MYZAP: variants seen among roughly 807,000 people sequenced by gnomAD.
The protein encoded by MYZAP is GRINL1A complex locus upstream.
A neutral mutation model predicts 69.4 loss-of-function variants in MYZAP; 66 were observed. The ratio of observed to expected loss-of-function variants is 0.95; its 90% CI spans 0.78 to 1.17. The LOEUF (loss-of-function observed/expected upper bound fraction) is 1.17. Ranked by LOEUF, MYZAP falls within the 50% of genes most tolerant of loss-of-function variation. The pLI is 0.00. For synonymous variants in MYZAP, 256 were observed against 205.9 expected (o/e 1.24, Z -2.09); for missense variants, 611 against 556.2 (o/e 1.10, Z -0.99).
chr15:57,614,702 TC>T (rs1462154288), intron 2 of MYZAP, among the ~76,000 whole-genome samples: 1 of 152,150 alleles, frequency 6.6e-6, no homozygotes, highest in Non-Finnish European at 1.5e-5. Flanking sequence ...GCTCTTGGGT[TC>T]CTACGGCTGG....
At chr15:57,648,290 G>A (rs766352403) in intron 10 of MYZAP, 13 of 985,180 alleles carry the variant, frequency 1.3e-5, no homozygotes, top group African/African-American at 1.7e-5. Flanking sequence ...TCTTTTCAAG[G>A]GAAAGGATAT....
intron 11 of MYZAP, among the ~76,000 whole-genome samples, chr15:57,667,225 C>T (rs1374360489): frequency 1.3e-5 from 2 of 152,178 alleles, no homozygotes; most frequent in Non-Finnish European, 2.9e-5. Flanking sequence ...GCACTCGGCT[C>T]CCCACATGCA....
chr15:57,679,985 G>T (rs760172902), intron 12 of MYZAP, among the ~76,000 whole-genome samples: 1 of 152,108 alleles, frequency 6.6e-6, no homozygotes, highest in African/African-American at 2.4e-5. Flanking sequence ...TCCTGAGTCC[G>T]CCTCCTGCTT....
At chr15:57,621,433 C>T (rs925935202) in intron 3 of MYZAP, among the ~76,000 whole-genome samples, 175 bp from the exon 4 acceptor site, 3 of 151,996 alleles carry the variant, frequency 2.0e-5, no homozygotes, top group Non-Finnish European at 4.4e-5. Context: ...AGGGTGGTCT[C>T]GATCTCCTGA....
Position 57,632,427 on chromosome 15 carries a change from G to T in MYZAP, c.679-7G>T, listed in dbSNP as rs890269. On this transcript the variant is annotated splice_polypyrimidine_tract_variant and splice_region_variant and intron_variant, in intron 6 of 12. Transcript: ENST00000267853. Reference sequence around the variant, plus strand: ...AAGCTGTCGTTCTGAAATGAGTCTCGTTGTAGGTGGAATCGTCCCAAGAAG... The same window carrying T: ...AAGCTGTCGTTCTGAAATGAGTCTCTTTGTAGGTGGAATCGTCCCAAGAAG... 3 of 1,614,008 alleles carry T rather than the reference G, an allele frequency of 1.9e-6. No individual in the cohort carries two copies. The highest frequency in any genetic ancestry group is 1.3e-5 in the African/African-American group (1 of 75,004).
intron 10 of MYZAP, among the ~76,000 whole-genome samples, chr15:57,651,146 A>G (rs1348587381): frequency 1.3e-5 from 2 of 152,160 alleles, no homozygotes; most frequent in Non-Finnish European, 2.9e-5. Context: ...AGTGCTAGAG[A>G]GTGTTTACTT....
At chr15:57,592,604 C>T (rs571209368) in intron 1 of MYZAP, among the ~76,000 whole-genome samples, 68 of 152,286 alleles carry the variant, frequency 4.5e-4, no homozygotes, top group African/African-American at 1.5e-3. Context: ...GCCGGCCGCC[C>T]AGGAGCCCGA....
intron 12 of MYZAP, among the ~76,000 whole-genome samples, chr15:57,679,340 T>TTG (rs34683334): frequency 2.4e-4 from 30 of 125,604 alleles, no homozygotes; most frequent in African/African-American, 8.4e-4. Flanking sequence ...TTTCACCTCT[T>TTG]TGTGTGTGTG....
chr15:57,661,289 A>G (rs1326106358), intron 10 of MYZAP, among the ~76,000 whole-genome samples, 161 bp from the exon 11 acceptor site: 1 of 152,206 alleles, frequency 6.6e-6, no homozygotes. Context: ...ATCAGTATGC[A>G]GGCTGTTTCA....
At chr15:57,607,287 G>T (rs2034814899) in intron 2 of MYZAP, among the ~76,000 whole-genome samples, 1 of 152,258 alleles carries the variant, frequency 6.6e-6, no homozygotes, top group Admixed American at 6.5e-5. Context: ...CAAAACTGGG[G>T]TGGTAGGGGC....
At chr15:57,624,455 T>C (rs2036003972) in intron 4 of MYZAP, among the ~76,000 whole-genome samples, 1 of 152,198 alleles carries the variant, frequency 6.6e-6, no homozygotes, top group Non-Finnish European at 1.5e-5. Context: ...TCCTTGATTA[T>C]AGGAATGGGG....
At chr15:57,629,260 C>T (rs187725586) in intron 5 of MYZAP, among the ~76,000 whole-genome samples, 80 of 152,190 alleles carry the variant, frequency 5.3e-4, no homozygotes, top group Admixed American at 9.8e-4. Flanking sequence ...TTCAGATTTC[C>T]TCCTGGTCTT....
intron 11 of MYZAP, among the ~76,000 whole-genome samples, chr15:57,665,591 C>G (rs1210165907): frequency 6.6e-6 from 1 of 152,188 alleles, no homozygotes; most frequent in Non-Finnish European, 1.5e-5. Flanking sequence ...TAGCTGTTCC[C>G]CAAGAACACT....
intron 1 of MYZAP, among the ~76,000 whole-genome samples, chr15:57,600,984 C>A (rs572389360): frequency 1.3e-5 from 2 of 152,048 alleles, no homozygotes; most frequent in South Asian, 4.2e-4. Flanking sequence ...GGCCTGAGGT[C>A]GGAGAATCAC....
chr15:57,634,505 G>A (rs762434576), intron 8 of MYZAP, among the ~76,000 whole-genome samples: 1 of 152,150 alleles, frequency 6.6e-6, no homozygotes. Context: ...TGACTCATTC[G>A]GGATGCCAAG....
chr15:57,661,227 T>G (rs2038284994), intron 10 of MYZAP, among the ~76,000 whole-genome samples: 1 of 152,162 alleles, frequency 6.6e-6, no homozygotes, highest in East Asian at 1.9e-4. Flanking sequence ...GTTCACACAA[T>G]CCGCCTGTCT....
intron 10 of MYZAP, among the ~76,000 whole-genome samples, chr15:57,650,608 G>T (rs2037679033): frequency 6.6e-6 from 1 of 152,176 alleles, no homozygotes; most frequent in African/African-American, 2.4e-5. Context: ...TCAATAATAT[G>T]GGAATGGTCA....
At chr15:57,653,207 GAAATGA>G (rs1486402384) in intron 10 of MYZAP, among the ~76,000 whole-genome samples, 1 of 152,058 alleles carries the variant, frequency 6.6e-6, no homozygotes, top group Non-Finnish European at 1.5e-5. Flanking sequence ...TGAAAACAAT[GAAATGA>G]AAATGAAATG....
intron 1 of MYZAP, among the ~76,000 whole-genome samples, chr15:57,603,686 A>G (rs1326196939): frequency 1.3e-5 from 2 of 152,236 alleles, no homozygotes; most frequent in Non-Finnish European, 2.9e-5. Flanking sequence ...AATATTGGGT[A>G]ATATTCCATT....
Sources: gnomAD v4.1 joint callset for allele counts (sites outside exome capture counted in the v4.1 genomes callset) on GRCh38, gnomAD v4.1.1 for gene constraint, MANE v1.5 for transcripts, NCBI Gene and HGNC (gene_info 2026-07-23, HGNC 2026-07-21) for gene names.